The following PDE3A variants were observed in gnomAD, a reference collection of about 807,000 sequenced individuals.
PDE3A encodes phosphodiesterase 3A.
A neutral mutation model predicts 98.3 loss-of-function variants in PDE3A; 43 were observed. The ratio of observed to expected loss-of-function variants is 0.44; its 90% confidence interval spans 0.34 to 0.56. The LOEUF (loss-of-function observed/expected upper bound fraction) is 0.56, where lower values mean the gene tolerates loss of function less well. Ranked by LOEUF, PDE3A falls within the 20% of genes least tolerant of loss-of-function variation. The pLI is 0.01. For missense variants in PDE3A, 1,427 were observed against 1,440.7 expected, an observed-to-expected ratio of 0.99 and a Z score of 0.15; for synonymous variants, 663 against 567.9, an observed-to-expected ratio of 1.17 and a Z score of -2.38.
chr12:20,460,401 T>A (rs1240204873), intron 1 of PDE3A, among the ~76,000 whole-genome samples: 1 of 152,180 alleles, frequency 6.6e-6, no homozygotes, highest in Non-Finnish European at 1.5e-5. Flanking sequence ...AAGCGTACAA[T>A]GTAATTTATT....
chr12:20,373,378 A>T (rs1943514395), intron 1 of PDE3A, among the ~76,000 whole-genome samples: 1 of 152,108 alleles, frequency 6.6e-6, no homozygotes, highest in Non-Finnish European at 1.5e-5. Flanking sequence ...AAACATGGGA[A>T]TATACAGAGG....
At chr12:20,391,125 C>A (rs562819758) in intron 1 of PDE3A, among the ~76,000 whole-genome samples, 1 of 151,800 alleles carries the variant, frequency 6.6e-6, no homozygotes, top group African/African-American at 2.4e-5. Context: ...GAGTGCTTTT[C>A]ATATGACTAG....
intron 15 of PDE3A, among the ~76,000 whole-genome samples, chr12:20,670,328 C>T (rs1945437956): frequency 6.7e-6 from 1 of 148,574 alleles, no homozygotes; most frequent in Non-Finnish European, 1.5e-5. Context: ...GAATTGAACT[C>T]AGCTCTGCAC....
intron 1 of PDE3A, among the ~76,000 whole-genome samples, chr12:20,468,747 C>T (rs1026524804): frequency 2.6e-5 from 4 of 152,178 alleles, no homozygotes; most frequent in African/African-American, 2.4e-5. Flanking sequence ...ATTGTTTGTT[C>T]ACTGGATGTT....
chr12:20,420,582 G>T (rs1944496319), intron 1 of PDE3A, among the ~76,000 whole-genome samples: 1 of 152,114 alleles, frequency 6.6e-6, no homozygotes, highest in South Asian at 2.1e-4. Flanking sequence ...CAGGGCAATT[G>T]TACACGTATT....
chr12:20,518,984 A>C (rs1946373271), intron 1 of PDE3A, among the ~76,000 whole-genome samples: 1 of 152,162 alleles, frequency 6.6e-6, no homozygotes, highest in African/African-American at 2.4e-5. Context: ...CATGTGGCAG[A>C]TAGTCATTGT....
chr12:20,646,399 A>G, intron 10 of PDE3A, 91 bp from the exon 11 acceptor site: 1 of 718,184 alleles, frequency 1.4e-6, no homozygotes, highest in South Asian at 1.7e-5. Flanking sequence ...GTAAAATGTT[A>G]GGACTAAACT....
At chr12:20,645,003 C>T (rs1944742553) in intron 10 of PDE3A, among the ~76,000 whole-genome samples, 2 of 151,788 alleles carry the variant, frequency 1.3e-5, no homozygotes, top group African/African-American at 4.8e-5. Flanking sequence ...ATTCTCCTGC[C>T]TCAGCCTCCC....
chr12:20,654,804 G>A (rs751072225), intron 15 of PDE3A, among the ~76,000 whole-genome samples: 24 of 151,800 alleles, frequency 1.6e-4, no homozygotes, highest in Non-Finnish European at 2.8e-4. Flanking sequence ...GAGCCACCGC[G>A]CCCAGCTGCT....
intron 1 of PDE3A, among the ~76,000 whole-genome samples, chr12:20,553,399 CCTT>C (rs1470848454): frequency 2.6e-5 from 3 of 116,282 alleles, no homozygotes; most frequent in African/African-American, 1.0e-4. Flanking sequence ...CAGGATCAGT[CCTT>C]CTCTCGGGTT....
At chr12:20,469,086 C>G (rs527768147) in intron 1 of PDE3A, among the ~76,000 whole-genome samples, 1 of 152,148 alleles carries the variant, frequency 6.6e-6, no homozygotes, top group Non-Finnish European at 1.5e-5. Context: ...AATTACTAAA[C>G]ATCAGGTATA....
At position 20,680,880 on chromosome 12, in the gene PDE3A, CAGA is replaced by C. The variant is rs1555111928; in HGVS notation, c.*612_*614del. The C allele has an allele frequency of 1.5e-5, 2 of 129,108 alleles. No individual in the cohort carries two copies. Among genetic ancestry groups the C allele is most frequent in the Non-Finnish European group, 3.3e-5 (2 of 60,508 alleles). 8.0% of individuals were successfully genotyped at this position (129,108 alleles called of 1,614,324 possible). On this transcript the variant is annotated 3_prime_UTR_variant, in exon 16 of 16. Transcript: ENST00000359062. ...TGTGTGTGTGTGTGTGAAAGAGAGA[CAGA>C]AGGGAATGGTTTGAGAGGGTGCTTG...
chr12:20,685,284 T>C lies in PDE3A; in HGVS notation c.*5013T>C, dbSNP rs1945925700. 6.6e-6 allele frequency among the ~76,000 whole-genome samples: 1 copy of C among 151,708 alleles called. No homozygotes were observed. The highest frequency in any genetic ancestry group is 6.6e-5 in the Admixed American group (1 of 15,212). ...AAAATGATTCAGGTGTGGTGGCGCA[T>C]GTCTGTAATCCCAGCTACCCAGGAG... On this transcript the variant is annotated 3_prime_UTR_variant, in exon 16 of 16. Coordinates refer to ENST00000359062, the MANE Select transcript of PDE3A (RefSeq NM_000921.5).
At chr12:20,524,857 G>A (rs998359632) in intron 1 of PDE3A, among the ~76,000 whole-genome samples, 1 of 151,954 alleles carries the variant, frequency 6.6e-6, no homozygotes, top group African/African-American at 2.4e-5. Context: ...GAGCTAGGCC[G>A]GGCTCGGTGG....
chr12:20,555,916 A>G (rs1233411931), intron 1 of PDE3A, among the ~76,000 whole-genome samples: 1 of 152,146 alleles, frequency 6.6e-6, no homozygotes, highest in Admixed American at 6.5e-5. Flanking sequence ...AGTCCATCTT[A>G]TTGGTGTGCT....
intron 2 of PDE3A, among the ~76,000 whole-genome samples, chr12:20,558,389 G>A (rs1355013759): frequency 6.6e-6 from 1 of 151,930 alleles, no homozygotes; most frequent in East Asian, 1.9e-4. Flanking sequence ...GTTCTAAAAA[G>A]CAAAAGCATT....
intron 1 of PDE3A, among the ~76,000 whole-genome samples, chr12:20,505,379 C>T (rs935225763): frequency 1.3e-5 from 2 of 152,042 alleles, no homozygotes; most frequent in Non-Finnish European, 2.9e-5. Context: ...CAAATGATCA[C>T]TCAATCTAAT....
rs148182661 is a variant in PDE3A at position 20,372,848 on chromosome 12, A to C, written c.960+2604A>C. On this transcript the variant is annotated intron_variant, in intron 1 of 15. Coordinates refer to ENST00000359062, the MANE Select transcript of PDE3A (RefSeq NM_000921.5). ...TCTGTCAGAGTCCTCTTGAGAATTT[A>C]TTTGCACTTTGCTCATTGTGAGGCT... 3.9e-5 allele frequency among the ~76,000 whole-genome samples: 6 copies of C among 152,236 alleles called. No homozygotes were observed. In the East Asian group the frequency reaches 1.2e-3, roughly 29 times the overall value.
chr12:20,378,299 C>T (rs539546344), intron 1 of PDE3A, among the ~76,000 whole-genome samples: 1 of 151,766 alleles, frequency 6.6e-6, no homozygotes, highest in South Asian at 2.1e-4. Context: ...ATCACCTTTC[C>T]TTATACTCTA....
Sources: allele counts gnomAD v4.1 joint callset (sites outside exome capture counted in the v4.1 genomes callset), GRCh38; gene constraint gnomAD v4.1.1; transcripts MANE v1.5; gene names NCBI Gene and HGNC (gene_info 2026-07-23, HGNC 2026-07-21).